ASXL2: variants seen among roughly 807,000 people sequenced by gnomAD.
ASXL2 encodes the protein ASXL transcriptional regulator 2, also known as putative Polycomb group protein ASXL2.
Under a neutral mutation model 122.0 loss-of-function variants are expected in ASXL2, and 23 were observed. That is an observed-to-expected ratio of 0.19 (90% confidence interval 0.14 to 0.27). The LOEUF (loss-of-function observed/expected upper bound fraction) is 0.27, where lower values mean the gene tolerates loss of function less well. ASXL2 is among the 10% of genes least tolerant of loss of function. The pLI is 1.00. For missense variants in ASXL2, 1,518 were observed against 1,713.8 expected (o/e 0.89, Z 2.02); for synonymous variants, 650 against 637.0 (o/e 1.02, Z -0.31).
chr2:25,787,177 C>G (rs1359430588), intron 5 of ASXL2, among the ~76,000 whole-genome samples: 2 of 152,154 alleles, frequency 1.3e-5, no homozygotes, highest in Non-Finnish European at 2.9e-5. Flanking sequence ...GGAATGCAAA[C>G]AATGTTTTAA....
At chr2:25,876,507 C>A (rs1291159973) in intron 1 of ASXL2, among the ~76,000 whole-genome samples, 11 of 152,012 alleles carry the variant, frequency 7.2e-5, no homozygotes, top group Non-Finnish European at 1.5e-4. Flanking sequence ...CCTGTCTCTA[C>A]AAAATATTTT....
intron 1 of ASXL2, chr2:25,856,918 G>A: frequency 1.5e-6 from 1 of 650,930 alleles, no homozygotes; most frequent in Non-Finnish European, 2.8e-6. Context: ...GGTGGCAGCT[G>A]GGACAGTGTC....
chr2:25,808,381 G>A (rs750826622), intron 3 of ASXL2, among the ~76,000 whole-genome samples: 55 of 152,312 alleles, frequency 3.6e-4, no homozygotes, highest in Middle Eastern at 3.4e-3. Context: ...CCCCCAGGCT[G>A]GAGTGCAATG....
intron 5 of ASXL2, among the ~76,000 whole-genome samples, chr2:25,796,766 G>A (rs1470282557): frequency 6.6e-6 from 1 of 152,196 alleles, no homozygotes; most frequent in Non-Finnish European, 1.5e-5. Context: ...GATGACTTAA[G>A]ACCTTAAGAA....
chr2:25,801,358 TC>T (rs1299345388), intron 4 of ASXL2, among the ~76,000 whole-genome samples: 1 of 152,176 alleles, frequency 6.6e-6, no homozygotes, highest in Non-Finnish European at 1.5e-5. Flanking sequence ...AATGTGACCC[TC>T]CTACATAAAA....
chr2:25,849,621 T>TA (rs1411082433), intron 1 of ASXL2, among the ~76,000 whole-genome samples: 1 of 152,054 alleles, frequency 6.6e-6, no homozygotes, highest in Non-Finnish European at 1.5e-5. Context: ...ACTATAGGCA[T>TA]ATGCCACCAC....
chr2:25,868,479 C>A (rs1488910821), intron 1 of ASXL2, among the ~76,000 whole-genome samples: 1 of 152,246 alleles, frequency 6.6e-6, no homozygotes, highest in East Asian at 1.9e-4. Flanking sequence ...TTACAATGCT[C>A]TCTGATGCCC....
chr2:25,860,788 G>A (rs1396994381), intron 1 of ASXL2, among the ~76,000 whole-genome samples: 1 of 151,114 alleles, frequency 6.6e-6, no homozygotes, highest in African/African-American at 2.4e-5. Flanking sequence ...CGAGGCTGGT[G>A]ATCACTTGAG....
rs565128591 is a variant in ASXL2 at position 25,767,716 on chromosome 2, T to C, written c.642A>G (p.Glu214=). 168 of 1,613,932 alleles carry C rather than the reference T, an allele frequency of 1.0e-4. 2 individuals are homozygous for C. In the South Asian group the frequency reaches 1.8e-3, roughly 17 times the overall value. The change falls in exon 8 of 13, where the codon GAA becomes GAG. Residue 214 remains glutamate, a synonymous_variant. Transcript: ENST00000435504. ...DSVPAKPATW[E]GKQSDGQTGS... is the part of the protein sequence containing the mutation. The stretch of plus-strand genomic sequence containing the variant: ...CTGTCTGTCCATCAGATTGCTTTCC[T>C]TCCCATGTTGCTAGGAGAAAAAAAT...
chr2:25,805,937 A>G (rs1479978329), intron 4 of ASXL2, among the ~76,000 whole-genome samples: 2 of 152,184 alleles, frequency 1.3e-5, no homozygotes, highest in Non-Finnish European at 2.9e-5. Context: ...TCGGCCTCCT[A>G]AAATGTTGGG....
At chr2:25,766,704 C>T (rs1222202845) in intron 8 of ASXL2, among the ~76,000 whole-genome samples, 1 of 152,106 alleles carries the variant, frequency 6.6e-6, no homozygotes, top group African/African-American at 2.4e-5. Context: ...AGGAGAATCC[C>T]TATTCAGTAT....
At chr2:25,829,129 G>C (rs2089417530) in intron 3 of ASXL2, among the ~76,000 whole-genome samples, 1 of 152,150 alleles carries the variant, frequency 6.6e-6, no homozygotes, top group African/African-American at 2.4e-5. Context: ...AGATGTGGCA[G>C]TGTACACCTG....
chr2:25,862,999 A>G (rs1031301716), intron 1 of ASXL2, among the ~76,000 whole-genome samples: 2 of 152,188 alleles, frequency 1.3e-5, no homozygotes, highest in South Asian at 2.1e-4. Context: ...TTACAATACA[A>G]TATTTTTAAA....
At chr2:25,768,465 G>A (rs780561943) in intron 7 of ASXL2, among the ~76,000 whole-genome samples, 4 of 151,990 alleles carry the variant, frequency 2.6e-5, no homozygotes, top group East Asian at 1.9e-4. Context: ...CACCACACCC[G>A]GCTAATTTTC....
chr2:25,822,742 G>T (rs2089327679), intron 3 of ASXL2: 3 of 660,046 alleles, frequency 4.5e-6, no homozygotes, highest in Non-Finnish European at 8.3e-6. Flanking sequence ...TTAACAAAAG[G>T]AAGGGCAAAA....
intron 5 of ASXL2, among the ~76,000 whole-genome samples, chr2:25,798,288 G>A (rs190290027): frequency 3.5e-4 from 53 of 152,106 alleles, no homozygotes; most frequent in Middle Eastern, 6.8e-3. Flanking sequence ...GTTTACTTAC[G>A]GAACAAACCT....
chr2:25,823,219 C>T (rs1271305118), intron 3 of ASXL2, among the ~76,000 whole-genome samples: 1 of 152,198 alleles, frequency 6.6e-6, no homozygotes, highest in Non-Finnish European at 1.5e-5. Flanking sequence ...AGGTCCTAGG[C>T]AATTGATGCA....
chr2:25,819,168 ACT>A (rs1435996581), intron 3 of ASXL2, among the ~76,000 whole-genome samples: 1 of 151,742 alleles, frequency 6.6e-6, no homozygotes, highest in Non-Finnish European at 1.5e-5. Flanking sequence ...TCAGGTAAAA[ACT>A]CAGCCCTGAC....
At chr2:25,855,723 C>A (rs1285628496) in intron 1 of ASXL2, among the ~76,000 whole-genome samples, 1 of 150,548 alleles carries the variant, frequency 6.6e-6, no homozygotes, top group Non-Finnish European at 1.5e-5. Context: ...CACCTGTGGT[C>A]CCAGCTACTC....
Sources: allele counts gnomAD v4.1 joint callset (sites outside exome capture counted in the v4.1 genomes callset), GRCh38; gene constraint gnomAD v4.1.1; transcripts MANE v1.5; gene names NCBI Gene and HGNC (gene_info 2026-07-23, HGNC 2026-07-21).